Variants in ZNF91 observed in about 807,000 individuals in gnomAD.
ZNF91 encodes zinc finger protein 91 (HPF7, HTF10).
Under a neutral mutation model 12.6 loss-of-function variants are expected in ZNF91, and 7 were observed. The ratio of observed to expected loss-of-function variants is 0.55; its 90% CI spans 0.31 to 1.04. The LOEUF (loss-of-function observed/expected upper bound fraction) is 1.04, where lower values mean the gene tolerates loss of function less well. ZNF91 is among the 50% of genes least tolerant of loss of function. The pLI is 0.05. For missense variants in ZNF91, 1,217 were observed against 1,385.4 expected, an observed-to-expected ratio of 0.88 and a Z score of 1.93; for synonymous variants, 453 against 462.6, an observed-to-expected ratio of 0.98 and a Z score of 0.27.
At chr19:23,309,589 G>A (rs111874878) in intron 1 of ZNF91, among the ~76,000 whole-genome samples, 21 of 152,036 alleles carry the variant, frequency 1.4e-4, no homozygotes, top group African/African-American at 5.1e-4. Flanking sequence ...CCAGAACTTA[G>A]GTGATGTGAC....
intron 3 of ZNF91, among the ~76,000 whole-genome samples, chr19:23,372,668 C>A (rs75981738): frequency 0.079 from 11,896 of 151,014 alleles, 595 homozygotes; most frequent in East Asian, 0.13. Flanking sequence ...GGAGGTTCTG[C>A]CCTTCCAGAG....
chr19:23,328,611 T>G (rs1053241611), intron 1 of ZNF91: 2 of 152,178 alleles, frequency 1.3e-5, no homozygotes, highest in African/African-American at 4.8e-5. Flanking sequence ...ATTTGCATGC[T>G]AAGGACTATT....
At chr19:23,347,790 C>T (rs1355597121) in intron 3 of ZNF91, among the ~76,000 whole-genome samples, 1 of 152,182 alleles carries the variant, frequency 6.6e-6, no homozygotes, top group African/African-American at 2.4e-5. Context: ...TTGGCCACTG[C>T]CTTTTCCTAC....
rs540822515 is a variant in ZNF91, at chr19:23,323,333, GTCC to G, written n.117-14239_117-14237del. On this transcript the variant is annotated intron_variant and non_coding_transcript_variant, in intron 1 of 1. Coordinates refer to the ZNF91 transcript ENST00000596528. ...TCTTCCTTTTCTCCATCTTCTCCTC[GTCC>G]TCCTCCTCCTCTCCCCCTCCTTTCC... Among the ~76,000 whole-genome samples, 98 of 103,310 alleles carry G rather than the reference GTCC, an allele frequency of 9.5e-4. No homozygotes were observed. In the South Asian group the frequency reaches 0.015, roughly 15 times the overall value. 67.8% of individuals were successfully genotyped at this position (103,310 alleles called of 152,430 possible).
At chr19:23,383,990 A>C (rs1969797373) in intron 1 of ZNF91, among the ~76,000 whole-genome samples, 1 of 152,118 alleles carries the variant, frequency 6.6e-6, no homozygotes, top group Admixed American at 6.5e-5. Context: ...CGTGCCTGTA[A>C]TTTCAGCTAC....
rs763624663 is a variant in ZNF91 at position 23,332,303 on chromosome 19, A to G, written n.117-23206T>C. Among the ~76,000 whole-genome samples, 3 of 152,200 alleles carry G rather than the reference A, an allele frequency of 2.0e-5. 1 individual carries two copies. The highest frequency in any genetic ancestry group is 4.1e-4 in the South Asian group (2 of 4,828). The stretch of plus-strand genomic sequence containing the variant: ...CATGATGGCAGTAAGAGCAGAAGTC[A>G]TAAGATCTAACAATTACTGACCACT... On this transcript the variant is annotated intron_variant and non_coding_transcript_variant, in intron 1 of 1. Transcript: ENST00000596528.
In ZNF91 at chr19:23,395,399, G is replaced by T. The variant is rs1424559417; in HGVS notation, c.-45C>A. ...TACCTGCAGGTCACAGGGCCACACA[G>T]GCTGGGCCTCCTGGAGCAGAGGACA... On this transcript the variant is annotated 5_prime_UTR_variant, in exon 1 of 4. In the 5' UTR this introduces an upstream ATG that the reference lacks. Coordinates refer to ENST00000300619, the MANE Select transcript of ZNF91 (RefSeq NM_003430.4). The T allele has an allele frequency of 6.2e-7, 1 of 1,610,098 alleles. No individual in the cohort carries two copies. The highest frequency in any genetic ancestry group is 8.5e-7 in the Non-Finnish European group (1 of 1,178,050).
intron 2 of ZNF91, among the ~76,000 whole-genome samples, chr19:23,374,416 C>T (rs1301637686): frequency 1.2e-4 from 18 of 148,230 alleles, no homozygotes; most frequent in Admixed American, 1.0e-3. Flanking sequence ...AAAAATTAGC[C>T]GGGCATGGTG....
downstream of ZNF91, among the ~76,000 whole-genome samples, chr19:23,353,433 C>T (rs1464201017): frequency 1.3e-5 from 2 of 152,096 alleles, no homozygotes; most frequent in Non-Finnish European, 2.9e-5. Flanking sequence ...CACAACCTAT[C>T]AAAACCTCTG....
At chr19:23,376,625 G>A (rs1969512969) in intron 1 of ZNF91, among the ~76,000 whole-genome samples, 1 of 152,072 alleles carries the variant, frequency 6.6e-6, no homozygotes, top group Non-Finnish European at 1.5e-5. Context: ...CCAACCTCAG[G>A]TGATCTGCCC....
chr19:23,359,226 C>CTTTTT lies in ZNF91; in HGVS notation c.*172_*176dup. 3 of 350,190 alleles carry CTTTTT rather than the reference C, an allele frequency of 8.6e-6. No individual in the cohort carries two copies. Among genetic ancestry groups the CTTTTT allele is most frequent in the South Asian group, 3.1e-5 (1 of 32,576 alleles). The allele number at this position is 350,190 out of a possible 1,614,324, so 21.7% of individuals were successfully genotyped here. A position where few individuals can be genotyped will look rare whatever the true frequency, so the allele number is the denominator to read the frequency against. On this transcript the variant is annotated 3_prime_UTR_variant, in exon 4 of 4. Transcript: ENST00000300619. The stretch of plus-strand genomic sequence containing the variant: ...AGGGTTTCTCTCTAGTATGAATTTT[C>CTTTTT]TTTTTTTTTTTTTTGAGACGGAGTC...
intron 3 of ZNF91, among the ~76,000 whole-genome samples, chr19:23,343,492 G>A (rs1442364421): frequency 6.6e-6 from 1 of 152,220 alleles, no homozygotes; most frequent in Non-Finnish European, 1.5e-5. Context: ...ATTAAGATAA[G>A]GGATGTAAGA....
chr19:23,335,086 A>C (rs2145874970), downstream of ZNF91, among the ~76,000 whole-genome samples: 1 of 152,298 alleles, frequency 6.6e-6, no homozygotes, highest in South Asian at 2.1e-4. Flanking sequence ...AGTTTGCTGG[A>C]GGTCCACTCC....
At chr19:23,370,001 TAA>T (rs60615373) in intron 3 of ZNF91, among the ~76,000 whole-genome samples, 24,328 of 107,726 alleles carry the variant, frequency 0.23, 2,255 homozygotes, top group Middle Eastern at 0.26. Flanking sequence ...GAATGATCAA[TAA>T]AAAAAAAAAA....
intron 3 of ZNF91, among the ~76,000 whole-genome samples, chr19:23,350,947 T>C (rs1968349705): frequency 6.6e-6 from 1 of 152,064 alleles, no homozygotes; most frequent in Non-Finnish European, 1.5e-5. Context: ...CATTGCCTCA[T>C]CTTGTCTGTT....
At chr19:23,377,962 C>A (rs1247531563) in intron 1 of ZNF91, among the ~76,000 whole-genome samples, 2 of 152,086 alleles carry the variant, frequency 1.3e-5, no homozygotes, top group Non-Finnish European at 2.9e-5. Flanking sequence ...TTTTGTCACT[C>A]ATTTTTTTAA....
At position 23,360,181 on chromosome 19, in the gene ZNF91, G is replaced by A. The variant is rs1444301633; in HGVS notation, c.2798C>T (p.Thr933Ile). 2 of 1,613,926 alleles carry A rather than the reference G, an allele frequency of 1.2e-6. No individual in the cohort carries two copies. Among genetic ancestry groups the A allele is most frequent in the South Asian group, 2.2e-5 (2 of 91,082 alleles). The change falls in exon 4 of 4, where the codon ACT becomes ATT. Residue 933 changes from threonine (T) to isoleucine (I), a missense_variant. Coordinates refer to ENST00000300619, the MANE Select transcript of ZNF91 (RefSeq NM_003430.4). Reference sequence around the variant, plus strand: ...TTCACATTTGTAGGGTTTCTCTCCAGTGTGCATCCTCTTATGTGTAGTAAG... The same window carrying A: ...TTCACATTTGTAGGGTTTCTCTCCAATGTGCATCCTCTTATGTGTAGTAAG... ...SHLTTHKRMH[T>I]GEKPYKCEEC...
Position 23,362,211 on chromosome 19 carries a change from A to G in ZNF91, c.768T>C (p.His256=). The G allele has an allele frequency of 1.2e-6, 2 of 1,612,982 alleles. No individual in the cohort carries two copies. Among genetic ancestry groups the G allele is most frequent in the South Asian group, 2.2e-5 (2 of 90,954 alleles). Residue 256 remains histidine, a synonymous_variant, in exon 4 of 4, where the codon CAT becomes CAC. Coordinates refer to ENST00000300619, the MANE Select transcript of ZNF91 (RefSeq NM_003430.4). The part of the protein sequence containing the change: ...AFKQLSTLTT[H]KIICAKEKIY... ...TTTTCTCTTTAGCACAGATTATTTT[A>G]TGTGTAGTAAGGGTTGAGAGCTGCT...
intron 1 of ZNF91, chr19:23,384,753 G>T: frequency 1.6e-6 from 1 of 628,140 alleles, no homozygotes; most frequent in South Asian, 1.8e-5. Context: ...AAGCACACCT[G>T]GGTCAGCTCC....
Sources: allele counts gnomAD v4.1 joint callset (sites outside exome capture counted in the v4.1 genomes callset), GRCh38; gene constraint gnomAD v4.1.1; transcripts MANE v1.5; gene names NCBI Gene and HGNC (gene_info 2026-07-23, HGNC 2026-07-21).